Variants in SPATA6 observed in about 807,000 individuals in gnomAD.
The protein encoded by SPATA6 is spermatogenesis-associated protein 6.
A neutral mutation model predicts 65.3 loss-of-function variants in SPATA6; 56 were observed. That is an observed-to-expected ratio of 0.86 (90% CI 0.69 to 1.07). The LOEUF is 1.07. Among genes scored for constraint, SPATA6 ranks in the 50% least tolerant of loss-of-function variants. The probability of loss-of-function intolerance (pLI) is 0.00; values close to 1 mark genes in which losing one functional copy is unlikely to be tolerated. For synonymous variants in SPATA6, 199 were observed against 213.2 expected (o/e 0.93, Z 0.58); for missense variants, 590 against 594.8 (o/e 0.99, Z 0.08).
chr1:48,326,498 A>C (rs1445077412), intron 11 of SPATA6, among the ~76,000 whole-genome samples: 1 of 151,782 alleles, frequency 6.6e-6, no homozygotes, highest in African/African-American at 2.4e-5. Context: ...ATTAGAAAAA[A>C]TAATCCTAAA....
At chr1:48,366,255 C>A (rs911929615) in intron 9 of SPATA6, among the ~76,000 whole-genome samples, 6 of 152,038 alleles carry the variant, frequency 3.9e-5, no homozygotes, top group Non-Finnish European at 8.8e-5. Flanking sequence ...CTAAAATTCT[C>A]TTTTTTGGTT....
rs375698685 is a variant in SPATA6, at chr1:48,395,337, G to C, written c.798C>G (p.Pro266=). The C allele has an allele frequency of 2.0e-4, 316 of 1,558,734 alleles. 2 individuals are homozygous for C. The South Asian group carries it at 3.7e-3, about 18-fold the overall frequency. The change falls in exon 8 of 13, where the codon CCC becomes CCG. Residue 266 remains proline (P), a synonymous_variant. Transcript: ENST00000371847. ...AAGATCCCAATAAAGTATCAGCCCT[G>C]GGACTTGGGGGATCAACCTAGAGGA... ...FVIRHVDPPS[P]RADTLLGSSG... is the part of the protein sequence containing the mutation.
intron 5 of SPATA6, among the ~76,000 whole-genome samples, chr1:48,407,527 G>A (rs1164763747): frequency 6.6e-6 from 1 of 152,180 alleles, no homozygotes; most frequent in East Asian, 1.9e-4. Flanking sequence ...CCCTCTGGTA[G>A]CAAAGCTGTT....
At chr1:48,389,685 A>C (rs1056867518) in intron 8 of SPATA6, among the ~76,000 whole-genome samples, 3 of 152,174 alleles carry the variant, frequency 2.0e-5, no homozygotes, top group Non-Finnish European at 2.9e-5. Flanking sequence ...ATCCAGAAAA[A>C]AAATCCTTCA....
At chr1:48,280,256 C>G in the SPATA6 span, among the ~76,000 whole-genome samples, 1 of 152,132 alleles carries the variant, frequency 6.6e-6, no homozygotes, top group African/African-American at 2.4e-5. Context: ...GACACCCTAA[C>G]ATCACAATTA....
chr1:48,420,200 G>A (rs141859203), intron 3 of SPATA6, among the ~76,000 whole-genome samples: 160 of 152,258 alleles, frequency 1.1e-3, no homozygotes, highest in African/African-American at 3.8e-3. Context: ...GCATGTGGAG[G>A]TTCCTGGAGG....
rs115002863 is a variant in SPATA6 at position 48,378,054 on chromosome 1, T to C, written c.909+7255A>G. ...AAGATGGGTCACAGCATGGAGAAAATAGCATACAGATCGAAAGTATCCTCA... is the reference window on the plus strand; with the variant it reads ...AAGATGGGTCACAGCATGGAGAAAACAGCATACAGATCGAAAGTATCCTCA... On this transcript the variant is annotated intron_variant, in intron 9 of 12. Transcript: ENST00000371847. 3.2e-3 allele frequency among the ~76,000 whole-genome samples: 482 copies of C among 152,200 alleles called. 2 individuals carry two copies. Among genetic ancestry groups the C allele is most frequent in the African/African-American group, 0.011 (454 of 41,532 alleles).
intron 3 of SPATA6, among the ~76,000 whole-genome samples, chr1:48,444,656 CCAG>C (rs1355279667): frequency 6.6e-6 from 1 of 152,196 alleles, no homozygotes; most frequent in African/African-American, 2.4e-5. Flanking sequence ...GCCAACCCAG[CCAG>C]CAGCAGCAAC....
In SPATA6 at chr1:48,384,228, C is replaced by T. The variant is rs370159433; in HGVS notation, c.909+1081G>A. ...GTGCGCGCCTGCAATCGCAGGCACTCGGCAGGCTGAGGCAGGAGAATCAGG... is the reference window on the plus strand; with the variant it reads ...GTGCGCGCCTGCAATCGCAGGCACTTGGCAGGCTGAGGCAGGAGAATCAGG... On this transcript the variant is annotated intron_variant, in intron 9 of 12. Coordinates refer to ENST00000371847, the MANE Select transcript of SPATA6 (RefSeq NM_019073.4). Among the ~76,000 whole-genome samples, 896 of 144,282 alleles carry T rather than the reference C, an allele frequency of 6.2e-3. 19 individuals carry two copies. Among genetic ancestry groups the T allele is most frequent in the African/African-American group, 0.02 (771 of 38,534 alleles). 94.7% of individuals were successfully genotyped at this position (144,282 alleles called of 152,430 possible). A position where few individuals can be genotyped will look rare whatever the true frequency, so the allele number is the denominator to read the frequency against.
At chr1:48,364,882 G>T (rs1199694767) in intron 9 of SPATA6, among the ~76,000 whole-genome samples, 4 of 152,300 alleles carry the variant, frequency 2.6e-5, no homozygotes, top group Middle Eastern at 6.8e-3. Flanking sequence ...CCATGCCCAT[G>T]TCCTGAATGG....
intron 9 of SPATA6, among the ~76,000 whole-genome samples, chr1:48,370,134 C>A (rs1469465141): frequency 6.6e-6 from 1 of 152,298 alleles, no homozygotes; most frequent in Admixed American, 6.5e-5. Flanking sequence ...GAATTAACTA[C>A]TACAAATAAT....
chr1:48,451,069 G>A (rs1011537295), intron 3 of SPATA6, among the ~76,000 whole-genome samples: 1 of 152,150 alleles, frequency 6.6e-6, no homozygotes, highest in Non-Finnish European at 1.5e-5. Flanking sequence ...GTTATGCAGA[G>A]CCTTGAAAAA....
intron 12 of SPATA6, among the ~76,000 whole-genome samples, chr1:48,301,472 C>A (rs765185641): frequency 2.0e-5 from 3 of 151,580 alleles, no homozygotes; most frequent in Non-Finnish European, 2.9e-5. Flanking sequence ...TCTATCAAAA[C>A]ACTAATGACA....
At chr1:48,354,894 T>C (rs1223460317) in intron 11 of SPATA6, among the ~76,000 whole-genome samples, 1 of 152,110 alleles carries the variant, frequency 6.6e-6, no homozygotes, top group East Asian at 1.9e-4. Context: ...TTATTATTTG[T>C]GCATTTTCTA....
intron 3 of SPATA6, among the ~76,000 whole-genome samples, chr1:48,421,306 C>CTA (rs1653310790): frequency 1.3e-5 from 2 of 151,200 alleles, no homozygotes; most frequent in South Asian, 2.1e-4. Flanking sequence ...ATATGATGCC[C>CTA]TATATATATG....
downstream of SPATA6, among the ~76,000 whole-genome samples, chr1:48,291,174 T>G (rs1644764758): frequency 6.6e-6 from 1 of 152,142 alleles, no homozygotes; most frequent in Admixed American, 6.5e-5. Flanking sequence ...GGTCCTCGAT[T>G]TAATTTTTGT....
At position 48,359,690 on chromosome 1, in the gene SPATA6, A is replaced by T; in HGVS notation, c.990T>A (p.Ser330Arg). The T allele has an allele frequency of 6.2e-7, 1 of 1,613,844 alleles. No homozygotes were observed. The change falls in exon 10 of 13, where the codon AGT (serine) becomes AGA (arginine). Residue 330 changes from serine (S) to arginine (R), a missense_variant. Physicochemically the swap from Ser to Arg is moderately radical, Grantham distance 110. Transcript: ENST00000371847. ...CEEYLSPRSCSKPRHSARTLL... is the reference protein window; with the variant it reads ...CEEYLSPRSCRKPRHSARTLL... ...AGGTCCTCGCTGAATGCCGGGGCTT[A>T]CTACACGACCTTGGGCTCAAATACT...
intron 3 of SPATA6, among the ~76,000 whole-genome samples, chr1:48,428,775 A>ATGTGTGTGTGTGTGTGTGTGTGTGTG (rs59651745): frequency 1.7e-4 from 23 of 133,572 alleles, no homozygotes; most frequent in Admixed American, 4.7e-4. Flanking sequence ...AGGTGTATAT[A>ATGTGTGTGTGTGTGTGTGTGTGTGTG]TGTGTGTGTG....
chr1:48,415,931 G>A (rs751038327), intron 3 of SPATA6, among the ~76,000 whole-genome samples: 2 of 152,088 alleles, frequency 1.3e-5, no homozygotes, highest in Non-Finnish European at 2.9e-5. Flanking sequence ...CGCCAGGCAC[G>A]GTGGCTCACA....
Sources: gnomAD v4.1 joint callset for allele counts (sites outside exome capture counted in the v4.1 genomes callset) on GRCh38, gnomAD v4.1.1 for gene constraint, MANE v1.5 for transcripts, NCBI Gene and HGNC (gene_info 2026-07-23, HGNC 2026-07-21) for gene names.